The following MTMR7 variants were observed in gnomAD, a reference collection of about 807,000 sequenced individuals.
MTMR7 encodes the protein myotubularin related protein 7.
MTMR7 carries 76 observed loss-of-function variants against 81.2 expected under a neutral mutation model. The ratio of observed to expected loss-of-function variants is 0.94; its 90% CI spans 0.78 to 1.13. The LOEUF is 1.13. Ranked by LOEUF, MTMR7 falls within the 50% of genes most tolerant of loss-of-function variation. MTMR7 has a pLI of 0.00. For synonymous variants in MTMR7, 372 were observed against 289.8 expected, an observed-to-expected ratio of 1.28 and a Z score of -2.88; for missense variants, 1,044 against 820.0, an observed-to-expected ratio of 1.27 and a Z score of -3.34.
At chr8:17,319,151 G>C (rs1006696179) in intron 7 of MTMR7, among the ~76,000 whole-genome samples, 2 of 152,188 alleles carry the variant, frequency 1.3e-5, no homozygotes, top group Admixed American at 1.3e-4. Context: ...ATGTTTAAGG[G>C]CTTCAGAGGC....
intron 1 of MTMR7, among the ~76,000 whole-genome samples, chr8:17,398,593 G>C (rs988759206): frequency 2.6e-5 from 4 of 152,126 alleles, no homozygotes; most frequent in African/African-American, 9.7e-5. Context: ...AGAGTTACTG[G>C]CCTTAAAGAG....
intron 1 of MTMR7, among the ~76,000 whole-genome samples, chr8:17,385,982 T>A (rs555526068): frequency 6.6e-6 from 1 of 152,324 alleles, no homozygotes; most frequent in Admixed American, 6.5e-5. Context: ...TTGTGAAAAT[T>A]AGACAGCTGC....
At chr8:17,366,889 A>AAAAAAAAAAAAAAC (rs1379200736) in intron 3 of MTMR7, among the ~76,000 whole-genome samples, 11 of 151,428 alleles carry the variant, frequency 7.3e-5, no homozygotes, top group Non-Finnish European at 1.3e-4. Flanking sequence ...CCATCTCAAA[A>AAAAAAAAAAAAAAC]AAAAAAAAAC....
chr8:17,386,218 A>G (rs1473977583), intron 1 of MTMR7, among the ~76,000 whole-genome samples: 1 of 152,120 alleles, frequency 6.6e-6, no homozygotes, highest in African/African-American at 2.4e-5. Flanking sequence ...TCTACCAAAA[A>G]AATTTAAAAA....
chr8:17,308,588 T>G, intron 10 of MTMR7, among the ~76,000 whole-genome samples: 1 of 152,228 alleles, frequency 6.6e-6, no homozygotes, highest in Non-Finnish European at 1.5e-5. Context: ...TAAATTTAAA[T>G]TTTATCACCA....
At chr8:17,311,663 TC>T in intron 8 of MTMR7, 27 bp from the exon 9 acceptor site, 1 of 1,613,144 alleles carries the variant, frequency 6.2e-7, no homozygotes, top group African/African-American at 1.3e-5. Flanking sequence ...CCGCAAAGAG[TC>T]ACAAAGAATG....
At chr8:17,404,817 GTTGTTTTGTTT>G (rs891888294) in intron 1 of MTMR7, among the ~76,000 whole-genome samples, 18 of 151,746 alleles carry the variant, frequency 1.2e-4, no homozygotes, top group Non-Finnish European at 2.6e-4. Context: ...TTGTTTTGTT[GTTGTTTTGTTT>G]TTGTTTTGTT....
At chr8:17,373,976 C>T (rs142487702) in intron 1 of MTMR7, among the ~76,000 whole-genome samples, 8 of 152,218 alleles carry the variant, frequency 5.3e-5, no homozygotes, top group African/African-American at 1.9e-4. Flanking sequence ...CTCTACAGAG[C>T]GAGAGAAAAC....
chr8:17,314,655 T>C (rs935461932), intron 7 of MTMR7, among the ~76,000 whole-genome samples: 6 of 152,174 alleles, frequency 3.9e-5, no homozygotes, highest in Non-Finnish European at 7.3e-5. Context: ...GAGTCATAGA[T>C]GACAACAGTG....
At chr8:17,387,002 T>C (rs725949) in intron 1 of MTMR7, among the ~76,000 whole-genome samples, 54,571 of 151,994 alleles carry the variant, frequency 0.36, 12,039 homozygotes, top group Admixed American at 0.55. Flanking sequence ...TGTCACTCTC[T>C]GTTCAGAGCT....
At chr8:17,410,664 A>G in intron 1 of MTMR7, among the ~76,000 whole-genome samples, 1 of 152,250 alleles carries the variant, frequency 6.6e-6, no homozygotes, top group Admixed American at 6.5e-5. Context: ...GCTTCAGTTA[A>G]ACATACATGC....
intron 1 of MTMR7, among the ~76,000 whole-genome samples, chr8:17,396,781 C>T (rs943419604): frequency 6.6e-6 from 1 of 151,918 alleles, no homozygotes; most frequent in Non-Finnish European, 1.5e-5. Context: ...ACCCCTCTCA[C>T]AACCCCAGGC....
At chr8:17,366,873 G>A (rs144456771) in intron 3 of MTMR7, among the ~76,000 whole-genome samples, 2,329 of 81,872 alleles carry the variant, frequency 0.028, 60 homozygotes, top group African/African-American at 0.14. Flanking sequence ...ATGACAGAGC[G>A]AGACTCCATC....
intron 1 of MTMR7, among the ~76,000 whole-genome samples, chr8:17,382,812 A>G (rs1820800505): frequency 6.6e-6 from 1 of 152,334 alleles, no homozygotes; most frequent in Non-Finnish European, 1.5e-5. Context: ...TATATGAGCC[A>G]CAAAATGTGC....
At chr8:17,300,380 T>C in intron 13 of MTMR7, 156 bp from the exon 14 acceptor site, 3 of 770,506 alleles carry the variant, frequency 3.9e-6, no homozygotes, top group Non-Finnish European at 6.0e-6. Context: ...TTCACGACCT[T>C]GGACAAAATC....
At chr8:17,314,153 C>G (rs1298051669) in intron 7 of MTMR7, among the ~76,000 whole-genome samples, 1 of 152,188 alleles carries the variant, frequency 6.6e-6, no homozygotes, top group African/African-American at 2.4e-5. Flanking sequence ...CATTAAAAAG[C>G]TTCAGAGCTA....
chr8:17,407,267 TAA>T (rs149162505), intron 1 of MTMR7, among the ~76,000 whole-genome samples: 1 of 150,800 alleles, frequency 6.6e-6, no homozygotes, highest in African/African-American at 2.4e-5. Flanking sequence ...ACCTCGCTGG[TAA>T]AAAAAAATAC....
intron 4 of MTMR7, among the ~76,000 whole-genome samples, chr8:17,360,855 G>C (rs921895397): frequency 1.3e-5 from 2 of 152,080 alleles, no homozygotes; most frequent in Admixed American, 6.5e-5. Flanking sequence ...CACAAGGCCT[G>C]CCACCCGGCC....
At chr8:17,410,676 C>A (rs1267079915) in intron 1 of MTMR7, among the ~76,000 whole-genome samples, 1 of 152,202 alleles carries the variant, frequency 6.6e-6, no homozygotes, top group African/African-American at 2.4e-5. Flanking sequence ...CATACATGCA[C>A]CCCTAGAAAG....
Sources: gnomAD v4.1 joint callset for allele counts (sites outside exome capture counted in the v4.1 genomes callset) on GRCh38, gnomAD v4.1.1 for gene constraint, MANE v1.5 for transcripts, NCBI Gene and HGNC (gene_info 2026-07-23, HGNC 2026-07-21) for gene names.